The following UBR4 variants were observed in gnomAD, a reference collection of about 807,000 sequenced individuals.
UBR4 encodes ubiquitin protein ligase E3 component n-recognin 4.
In UBR4, 124 loss-of-function variants were observed where a neutral mutation model predicts 575.6. That is an observed-to-expected ratio of 0.22 (90% CI 0.19 to 0.25). UBR4 has a LOEUF of 0.25. Ranked by LOEUF, UBR4 falls within the 10% of genes least tolerant of loss-of-function variation. The pLI is 1.00. For missense variants in UBR4, 4,818 were observed against 6,478.8 expected (o/e 0.74, Z 8.80); for synonymous variants, 2,455 against 2,473.7 (o/e 0.99, Z 0.22).
At chr1:19,135,769 A>G (rs1388408376) in intron 60 of UBR4, among the ~76,000 whole-genome samples, 1 of 152,220 alleles carries the variant, frequency 6.6e-6, no homozygotes. Flanking sequence ...GTGAAATAAC[A>G]GAAAATAAGA....
chr1:19,098,446 C>T lies in UBR4; in HGVS notation c.13302+1151G>A, dbSNP rs78358975. ...GATTCTCAACTTCTATCTTGCTTCA[C>T]CATTCAAGGGAGATACCCTGGTGCA... On this transcript the variant is annotated intron_variant, in intron 90 of 105. Coordinates refer to ENST00000375254, the MANE Select transcript of UBR4 (RefSeq NM_020765.3). 3.0e-3 allele frequency among the ~76,000 whole-genome samples: 455 copies of T among 152,358 alleles called. 2 individuals carry two copies. Among genetic ancestry groups the T allele is most frequent in the African/African-American group, 0.011 (441 of 41,584 alleles).
In UBR4 at chr1:19,198,902, G is replaced by T. The variant is rs1009073915; in HGVS notation, c.405C>A (p.Gly135=). The T allele has an allele frequency of 6.2e-7, 1 of 1,614,036 alleles. No individual in the cohort carries two copies. The highest frequency in any genetic ancestry group is 2.2e-5 in the East Asian group (1 of 44,902). ...SQKHLILLIK[G]LCTGCSRLDR... ...CTAGTCGGCTACAGCCAGTGCACAG[G>T]CCCTTGATTAGGAGAATCAAGTGTT... Residue 135 remains glycine (G), a synonymous_variant, in exon 4 of 106, where the codon GGC becomes GGA. Transcript: ENST00000375254.
intron 55 of UBR4, among the ~76,000 whole-genome samples, chr1:19,142,930 T>C (rs1235346056): frequency 6.6e-6 from 1 of 151,964 alleles, no homozygotes; most frequent in Non-Finnish European, 1.5e-5. Flanking sequence ...GAGACCAGCT[T>C]GGCCAACATG....
chr1:19,138,267 G>A, intron 59 of UBR4, 86 bp from the exon 60 acceptor site: 3 of 1,335,356 alleles, frequency 2.2e-6, no homozygotes, highest in Non-Finnish European at 3.0e-6. Flanking sequence ...CAATAGTTAA[G>A]ACAGTAACTG....
intron 39 of UBR4, among the ~76,000 whole-genome samples, chr1:19,158,265 A>C (rs551118713): frequency 6.6e-6 from 1 of 152,350 alleles, no homozygotes; most frequent in African/African-American, 2.4e-5. Context: ...TCTCTTACAA[A>C]TTGTGGTGAC....
At chr1:19,186,461 A>C (rs766970533) in intron 14 of UBR4, 79 bp downstream of exon 14, 16 of 1,298,316 alleles carry the variant, frequency 1.2e-5, no homozygotes, top group Non-Finnish European at 1.7e-5. Context: ...TTTGGTCAGG[A>C]AACTACAGGA....
chr1:19,088,699 T>C lies in UBR4; in HGVS notation c.14430+60A>G. The C allele has an allele frequency of 6.3e-7, 1 of 1,580,286 alleles. No individual in the cohort carries two copies. The highest frequency in any genetic ancestry group is 2.2e-5 in the East Asian group (1 of 44,604). ...CATGGCCAACCCCAGGGCTGTCCCA[T>C]GGCCACCTCCTCATCAACAGTGTGG... On this transcript the variant is annotated intron_variant, in intron 98 of 105. Coordinates refer to ENST00000375254, the MANE Select transcript of UBR4 (RefSeq NM_020765.3). This position sits in a 1 kb window ranked among gnomAD's most constrained non-coding sequence, Gnocchi z 4.0.
chr1:19,134,151 T>C (rs866162494), intron 60 of UBR4, among the ~76,000 whole-genome samples: 9 of 142,788 alleles, frequency 6.3e-5, no homozygotes, highest in Admixed American at 2.1e-4. Flanking sequence ...AGCACCTAGC[T>C]ACTCAGGCAG....
At position 19,104,146 on chromosome 1, in the gene UBR4, C is replaced by T; in HGVS notation, c.12839G>A (p.Arg4280Lys). The T allele has an allele frequency of 6.2e-7, 1 of 1,614,234 alleles. No homozygotes were observed. Among genetic ancestry groups the T allele is most frequent in the South Asian group, 1.1e-5 (1 of 91,084 alleles). Reference sequence around the variant, plus strand: ...CTGCGTCTCATCGATCAGCTTGGTCCTCTGCACCACCAGCTTCCGCAAGCA... The same window carrying T: ...CTGCGTCTCATCGATCAGCTTGGTCTTCTGCACCACCAGCTTCCGCAAGCA... ...YLCLRKLVVQ[R>K]TKLIDETQDM... Residue 4280 changes from arginine to lysine, a missense_variant, in exon 87 of 106, where the codon AGG (arginine) becomes AAG (lysine). By Grantham distance (26) the Arg-to-Lys change is conservative (BLOSUM62 2). Coordinates refer to ENST00000375254, the MANE Select transcript of UBR4 (RefSeq NM_020765.3).
At chr1:19,177,318 T>C (rs6676125) in intron 19 of UBR4, 143 bp downstream of exon 19, 5 of 959,560 alleles carry the variant, frequency 5.2e-6, no homozygotes, top group Non-Finnish European at 7.9e-6. Flanking sequence ...AAAGTCTCAG[T>C]GGTCCTCCTA....
intron 60 of UBR4, among the ~76,000 whole-genome samples, chr1:19,137,434 A>T (rs1194138033): frequency 4.6e-5 from 7 of 152,226 alleles, no homozygotes; most frequent in Non-Finnish European, 1.0e-4. Context: ...TCTCTGGGTT[A>T]AGAATACATT....
At position 19,110,427 on chromosome 1, in the gene UBR4, T is replaced by A. The variant is rs758561433; in HGVS notation, c.11930A>T (p.Asp3977Val). 7 of 1,613,988 alleles carry A rather than the reference T, an allele frequency of 4.3e-6. No individual in the cohort carries two copies. The highest frequency in any genetic ancestry group is 5.9e-6 in the Non-Finnish European group (7 of 1,180,024). ...SLQYEMLLLT[D>V]SISKEDSCWE... Reference sequence around the variant, plus strand: ...GCAGCTGTCCTCCTTGGAGATAGAATCCGTCAGCAGCAGCATTTCATACTG... The same window carrying A: ...GCAGCTGTCCTCCTTGGAGATAGAAACCGTCAGCAGCAGCATTTCATACTG... The change falls in exon 80 of 106, where the codon GAT (aspartate) becomes GTT (valine). Residue 3977 changes from aspartate (D) to valine (V), a missense_variant. Transcript: ENST00000375254. This position sits in a 1 kb window ranked among gnomAD's most constrained non-coding sequence, Gnocchi z 4.5.
At chr1:19,138,932 A>G in intron 59 of UBR4, 151 bp downstream of exon 59, 1 of 1,018,626 alleles carries the variant, frequency 9.8e-7, no homozygotes, top group Non-Finnish European at 1.3e-6. Context: ...AGGCCAAATG[A>G]ATTCCACAAG....
intron 91 of UBR4, among the ~76,000 whole-genome samples, 197 bp from the exon 92 acceptor site, chr1:19,096,847 G>A (rs1440908589): frequency 1.3e-5 from 2 of 152,098 alleles, no homozygotes; most frequent in African/African-American, 4.8e-5. Flanking sequence ...CTTTTTTAAA[G>A]TTTCAAGTCA....
At position 19,197,681 on chromosome 1, in the gene UBR4, A is replaced by C. The variant is rs2092545314; in HGVS notation, c.882T>G (p.Ala294=). Residue 294 remains alanine, a synonymous_variant, in exon 7 of 106, where the codon GCT becomes GCG. Coordinates refer to ENST00000375254, the MANE Select transcript of UBR4 (RefSeq NM_020765.3). ...IMPATVADAT[A]VRNGFHSLVI... ...GTGAAGCACCTTACCCATTACGAAC[A>C]GCAGTGGCATCTGCTACTGTTGCAG... 3 of 1,614,038 alleles carry C rather than the reference A, an allele frequency of 1.9e-6. No homozygotes were observed. Among genetic ancestry groups the C allele is most frequent in the Non-Finnish European group, 2.5e-6 (3 of 1,180,038 alleles).
In UBR4 at chr1:19,161,156, AG is replaced by A; in HGVS notation, c.5176-10del. 6.2e-7 allele frequency: 1 copy of A among 1,612,372 alleles called. No individual in the cohort carries two copies. The highest frequency in any genetic ancestry group is 8.5e-7 in the Non-Finnish European group (1 of 1,178,906). ...GTTCTCTTCACCAGAGCCTAGGGAC[AG>A]AAAATGTCAGAGTCCCTAAGTTCTT... On this transcript the variant is annotated splice_polypyrimidine_tract_variant and intron_variant, in intron 37 of 105. Coordinates refer to ENST00000375254, the MANE Select transcript of UBR4 (RefSeq NM_020765.3).
intron 22 of UBR4, 97 bp downstream of exon 22, chr1:19,174,222 A>G: frequency 2.0e-6 from 3 of 1,474,466 alleles, no homozygotes; most frequent in East Asian, 4.7e-5. Flanking sequence ...GCAAATCAAT[A>G]TTCAATAAAC....
In UBR4 at chr1:19,153,591, C is replaced by T. The variant is rs2086031276; in HGVS notation, c.6631-89G>A. 1.3e-5 allele frequency: 20 copies of T among 1,543,274 alleles called. No individual in the cohort carries two copies. Among genetic ancestry groups the T allele is most frequent in the Non-Finnish European group, 1.8e-5 (20 of 1,124,572 alleles). On this transcript the variant is annotated intron_variant, in intron 45 of 105. Transcript: ENST00000375254. This position sits in a 1 kb window ranked among gnomAD's most constrained non-coding sequence, Gnocchi z 4.1. Reference sequence around the variant, plus strand: ...AAAGAGGCAGAGATGCAACTGGTTTCATGGTCAGTTGAGGGGCTGTACAGA... The same window carrying T: ...AAAGAGGCAGAGATGCAACTGGTTTTATGGTCAGTTGAGGGGCTGTACAGA...
rs762234810 is a variant in UBR4, at chr1:19,168,143, A to G, written c.3783T>C (p.Tyr1261=). The change falls in exon 28 of 106, where the codon TAT becomes TAC. Residue 1261 remains tyrosine, a synonymous_variant. Transcript: ENST00000375254. ...FANDTIPSES[Y]ISAVQAAHLG... is the part of the protein sequence containing the mutation. ...GGTGTGCAGCCTGCACTGCACTAAT[A>G]TAACTCTCTGAAGGGATGGTGTCAT... 14 of 1,605,812 alleles carry G rather than the reference A, an allele frequency of 8.7e-6. No homozygotes were observed. In the African/African-American group the frequency reaches 1.6e-4, roughly 18 times the overall value.
Sources: gnomAD v4.1 joint callset for allele counts (sites outside exome capture counted in the v4.1 genomes callset) on GRCh38, gnomAD v4.1.1 for gene constraint, Gnocchi (gnomAD v3.1) non-coding constraint, MANE v1.5 for transcripts, NCBI Gene and HGNC (gene_info 2026-07-23, HGNC 2026-07-21) for gene names.